The following DCC variants were observed in gnomAD, a reference collection of about 807,000 sequenced individuals.
DCC encodes the protein DCC netrin 1 receptor.
In DCC, 58 loss-of-function variants were observed where a neutral mutation model predicts 172.5. The observed-to-expected ratio is 0.34, with a 90% confidence interval of 0.27 to 0.42. DCC has a LOEUF of 0.42. Ranked by LOEUF, DCC falls within the 10% of genes least tolerant of loss-of-function variation. The pLI is 1.00. For synonymous variants in DCC, 709 were observed against 644.5 expected (o/e 1.10, Z -1.52); for missense variants, 1,740 against 1,791.0 (o/e 0.97, Z 0.51).
intron 1 of DCC, among the ~76,000 whole-genome samples, chr18:52,454,624 C>T (rs866066773): frequency 4.6e-5 from 7 of 152,074 alleles, no homozygotes; most frequent in Middle Eastern, 3.4e-3. Context: ...CTCACCTTGT[C>T]GAAAATACTT....
At chr18:52,617,628 A>G (rs1174982712) in intron 1 of DCC, among the ~76,000 whole-genome samples, 8 of 152,122 alleles carry the variant, frequency 5.3e-5, no homozygotes, top group Admixed American at 4.6e-4. Flanking sequence ...CTCTTCTCCT[A>G]ACCCAGATTT....
rs965498136 is a variant in DCC at position 53,218,253 on chromosome 18, AT to A, written c.1911+2663del. On this transcript the variant is annotated intron_variant, in intron 12 of 28. Transcript: ENST00000442544. ...TATTTGTAAATATAGAGCACAATTGATTTTTTTATTGATAGTAAATGAAATA... is the reference window on the plus strand; with the variant it reads ...TATTTGTAAATATAGAGCACAATTGATTTTTTATTGATAGTAAATGAAATA... Among the ~76,000 whole-genome samples, 29 of 152,086 alleles carry A rather than the reference AT, an allele frequency of 1.9e-4. 1 individual carries two copies. Among genetic ancestry groups the A allele is most frequent in the Non-Finnish European group, 5.9e-5 (4 of 68,016 alleles).
intron 5 of DCC, among the ~76,000 whole-genome samples, chr18:53,023,918 T>C (rs945354803): frequency 1.3e-5 from 2 of 152,124 alleles, no homozygotes; most frequent in Admixed American, 6.6e-5. Flanking sequence ...TTAGTGGAAT[T>C]ATTTTATTTC....
At chr18:53,063,513 T>A (rs2042525012) in intron 6 of DCC, 54 bp downstream of exon 6, 1 of 1,416,450 alleles carries the variant, frequency 7.1e-7, no homozygotes, top group Admixed American at 2.0e-5. Context: ...TTTTCTATTT[T>A]TTTCACTTGT....
At chr18:53,351,616 T>G (rs1380437073) in intron 15 of DCC, among the ~76,000 whole-genome samples, 2 of 150,302 alleles carry the variant, frequency 1.3e-5, no homozygotes, top group Non-Finnish European at 3.0e-5. Context: ...TTTTATAATC[T>G]GAGTTGTTAT....
chr18:53,213,895 TAA>T (rs2055801735), intron 11 of DCC, among the ~76,000 whole-genome samples: 1 of 95,386 alleles, frequency 1.0e-5, no homozygotes, highest in South Asian at 2.5e-4. Context: ...TACTTTAACT[TAA>T]AAATTTACAA....
chr18:52,893,953 G>A (rs2039690677), intron 2 of DCC, among the ~76,000 whole-genome samples: 1 of 152,008 alleles, frequency 6.6e-6, no homozygotes, highest in Non-Finnish European at 1.5e-5. Flanking sequence ...AAAAACATAA[G>A]TTTTCGAACT....
In DCC at chr18:53,345,487, G is replaced by A. The variant is rs534582939; in HGVS notation, c.2359+5580G>A. ...CAGTCTTATATATTTATTGTATTAT[G>A]CAGTCATGATTTTTTTTAAGACATA... On this transcript the variant is annotated intron_variant, in intron 15 of 28. Transcript: ENST00000442544. 8.5e-5 allele frequency among the ~76,000 whole-genome samples: 13 copies of A among 152,158 alleles called. 1 individual carries two copies. The highest frequency in any genetic ancestry group is 2.4e-4 in the African/African-American group (10 of 41,546).
chr18:53,041,449 G>A (rs974843042), intron 5 of DCC, among the ~76,000 whole-genome samples: 5 of 152,108 alleles, frequency 3.3e-5, no homozygotes, highest in Admixed American at 6.6e-5. Context: ...CAGGTAGCAT[G>A]ATGCCTCCAG....
chr18:52,677,245 C>G (rs1475484831), intron 1 of DCC, among the ~76,000 whole-genome samples: 5 of 152,046 alleles, frequency 3.3e-5, no homozygotes, highest in African/African-American at 1.2e-4. Flanking sequence ...ATCATCAGAG[C>G]TAATACAGAG....
At chr18:52,405,585 A>G (rs1245962859) in intron 1 of DCC, among the ~76,000 whole-genome samples, 1 of 151,356 alleles carries the variant, frequency 6.6e-6, no homozygotes, top group Non-Finnish European at 1.5e-5. Flanking sequence ...CTTCAAAGAG[A>G]ATAAAATACC....
At chr18:52,390,962 T>G (rs1986008578) in intron 1 of DCC, among the ~76,000 whole-genome samples, 1 of 152,118 alleles carries the variant, frequency 6.6e-6, no homozygotes, top group South Asian at 2.1e-4. Flanking sequence ...AAAAGTCTTA[T>G]CATCTTCTTG....
Position 53,531,461 on chromosome 18 carries a change from A to G in DCC, c.*808A>G, listed in dbSNP as rs1286152031. The G allele has an allele frequency of 6.5e-6, 1 of 152,994 alleles. No homozygotes were observed. The highest frequency in any genetic ancestry group is 1.5e-5 in the Non-Finnish European group (1 of 68,346). The allele number at this position is 152,994 out of a possible 1,614,324, so 9.5% of individuals were successfully genotyped here. ...TAAGCTTGTAATAGGACAGTTTTCAATTTGGGTGGCTTTTGTGCCATACCA... is the reference window on the plus strand; with the variant it reads ...TAAGCTTGTAATAGGACAGTTTTCAGTTTGGGTGGCTTTTGTGCCATACCA... On this transcript the variant is annotated 3_prime_UTR_variant, in exon 29 of 29. Transcript: ENST00000442544.
intron 3 of DCC, among the ~76,000 whole-genome samples, chr18:52,909,536 T>C (rs2039937980): frequency 6.6e-6 from 1 of 152,146 alleles, no homozygotes; most frequent in Non-Finnish European, 1.5e-5. Flanking sequence ...CTAAATAATA[T>C]TTAATGTAAT....
At chr18:52,656,268 C>A (rs1474207348) in intron 1 of DCC, among the ~76,000 whole-genome samples, 5 of 151,872 alleles carry the variant, frequency 3.3e-5, no homozygotes, top group Non-Finnish European at 7.4e-5. Flanking sequence ...GCACAGTCTT[C>A]ATGAATATGA....
chr18:52,842,360 A>G (rs143965240), intron 2 of DCC, among the ~76,000 whole-genome samples: 9 of 152,318 alleles, frequency 5.9e-5, no homozygotes, highest in Non-Finnish European at 1.3e-4. Context: ...CTGGAAAGCT[A>G]TTCATTTAGT....
At chr18:52,380,323 C>A (rs370128188) in intron 1 of DCC, among the ~76,000 whole-genome samples, 19 of 152,230 alleles carry the variant, frequency 1.2e-4, no homozygotes, top group African/African-American at 4.6e-4. Flanking sequence ...CCAAAACCAT[C>A]TTGCAAATTA....
At chr18:52,416,756 C>T (rs2144418671) in intron 1 of DCC, among the ~76,000 whole-genome samples, 1 of 152,010 alleles carries the variant, frequency 6.6e-6, no homozygotes, top group African/African-American at 2.4e-5. Context: ...TTATTTTGAG[C>T]CTATGTGTGT....
At chr18:53,236,589 T>A (rs1176578962) in intron 12 of DCC, among the ~76,000 whole-genome samples, 1 of 152,120 alleles carries the variant, frequency 6.6e-6, no homozygotes, top group African/African-American at 2.4e-5. Flanking sequence ...TGTCTTTTGA[T>A]GAGCAGATGC....
Sources: allele counts gnomAD v4.1 joint callset (sites outside exome capture counted in the v4.1 genomes callset), GRCh38; gene constraint gnomAD v4.1.1; transcripts MANE v1.5; gene names NCBI Gene and HGNC (gene_info 2026-07-23, HGNC 2026-07-21).